Variants in PTPN21 observed in about 807,000 individuals in gnomAD.
The protein encoded by PTPN21 is protein tyrosine phosphatase non-receptor type 21.
A neutral mutation model predicts 131.8 loss-of-function variants in PTPN21; 77 were observed. The ratio of observed to expected loss-of-function variants is 0.58; its 90% CI spans 0.49 to 0.71. The LOEUF is 0.71. Among genes scored for constraint, PTPN21 ranks in the 30% least tolerant of loss-of-function variants. PTPN21 has a pLI of 0.00. For synonymous variants in PTPN21, 715 were observed against 621.3 expected (o/e 1.15, Z -2.24); for missense variants, 1,552 against 1,527.1 (o/e 1.02, Z -0.27).
At position 88,479,496 on chromosome 14, in the gene PTPN21, G is replaced by T. The variant is rs775546063; in HGVS notation, c.1935C>A (p.His645Gln). ...CCTTGAGCCGCAGGCCCTCCAGGCC[G>T]TGGCTGAGCCCGGCCACCTCGATGC... ...RNSIEVAGLSHGLEGLRLKER... is the reference protein window; with the variant it reads ...RNSIEVAGLSQGLEGLRLKER... The change falls in exon 13 of 19, where the codon CAC (histidine) becomes CAA (glutamine). Residue 645 changes from histidine (H) to glutamine (Q), a missense_variant. Physicochemically the swap from His to Gln is conservative, Grantham distance 24 (BLOSUM62 0). Coordinates refer to ENST00000556564, the MANE Select transcript of PTPN21 (RefSeq NM_007039.4). The T allele has an allele frequency of 1.9e-6, 3 of 1,601,386 alleles. No homozygotes were observed. The highest frequency in any genetic ancestry group is 2.2e-5 in the East Asian group (1 of 44,800).
chr14:88,494,581 G>A (rs1359120429), intron 10 of PTPN21, among the ~76,000 whole-genome samples: 1 of 152,086 alleles, frequency 6.6e-6, no homozygotes, highest in Non-Finnish European at 1.5e-5. Flanking sequence ...AGGATCACCT[G>A]AGCCCAGGGA....
chr14:88,505,224 C>T (rs76393488), intron 5 of PTPN21, 80 bp downstream of exon 5: 63 of 1,162,952 alleles, frequency 5.4e-5, no homozygotes, highest in Admixed American at 2.1e-4. Context: ...GTCTATCATA[C>T]GGATTTCATT....
At position 88,550,580 on chromosome 14, in the gene PTPN21, A is replaced by C. The variant is rs2078851347; in HGVS notation, c.-163T>G. 1.5e-6 allele frequency: 1 copy of C among 679,270 alleles called. No homozygotes were observed. The highest frequency in any genetic ancestry group is 2.4e-6 in the Non-Finnish European group (1 of 411,968). The allele number at this position is 679,270 out of a possible 1,614,324, so 42.1% of individuals were successfully genotyped here. A position where few individuals can be genotyped will look rare whatever the true frequency, so the allele number is the denominator to read the frequency against. ...CGCTGCCGCCATTAAAAAGCAACGG[A>C]GTCTCCAATGGCCCGAGGAAGGGAG... On this transcript the variant is annotated 5_prime_UTR_variant, in exon 2 of 19. Coordinates refer to ENST00000556564, the MANE Select transcript of PTPN21 (RefSeq NM_007039.4).
intron 10 of PTPN21, among the ~76,000 whole-genome samples, chr14:88,487,710 GAC>G (rs1307153689): frequency 6.6e-6 from 1 of 151,832 alleles, no homozygotes; most frequent in Non-Finnish European, 1.5e-5. Context: ...TTATTTTGGT[GAC>G]ACAAGTCTGC....
Position 88,485,100 on chromosome 14 carries a change from T to A in PTPN21, c.1054A>T (p.Thr352Ser), listed in dbSNP as rs1411577138. The A allele has an allele frequency of 6.2e-7, 1 of 1,608,038 alleles. No homozygotes were observed. The highest frequency in any genetic ancestry group is 2.2e-5 in the East Asian group (1 of 44,826). Reference protein sequence around the residue: ...PPQLHYNGHYTEPYASSQDNL... With the variant: ...PPQLHYNGHYSEPYASSQDNL... ...CCTTGGGAAGAAGCATATGGTTCTGTATAATGTCCATTATAGTGCAACTGC... is the reference window on the plus strand; with the variant it reads ...CCTTGGGAAGAAGCATATGGTTCTGAATAATGTCCATTATAGTGCAACTGC... Residue 352 changes from threonine to serine, a missense_variant, in exon 12 of 19, where the codon ACA becomes TCA. Around this residue, in one of 4 missense-constraint regions of PTPN21, gnomAD observed 1,016 missense variants for 883.5 expected, o/e 1.15. Transcript: ENST00000556564.
chr14:88,525,673 A>G (rs924990341), intron 2 of PTPN21, among the ~76,000 whole-genome samples: 8 of 152,234 alleles, frequency 5.3e-5, no homozygotes, highest in South Asian at 2.1e-4. Context: ...TAGAATCACC[A>G]TATGATCCAG....
At chr14:88,468,813 GTCC>G in intron 18 of PTPN21, 100 bp downstream of exon 18, 1 of 1,456,738 alleles carries the variant, frequency 6.9e-7, no homozygotes. Context: ...GGCCACCACA[GTCC>G]AAGGAAATGT....
Position 88,544,531 on chromosome 14 carries a change from T to G in PTPN21, c.180+5707A>C, listed in dbSNP as rs527463022. ...ATGTTTTACATTTAACACCGAATCC[T>G]CATAACCACTATCAAGTAGGTACTA... On this transcript the variant is annotated intron_variant, in intron 2 of 18. Transcript: ENST00000556564. Among the ~76,000 whole-genome samples the G allele has an allele frequency of 4.6e-4, 70 of 152,280 alleles. 1 individual carries two copies. Among genetic ancestry groups the G allele is most frequent in the African/African-American group, 1.5e-3 (64 of 41,548 alleles).
chr14:88,472,208 G>T, intron 15 of PTPN21, 36 bp downstream of exon 15: 1 of 1,133,222 alleles, frequency 8.8e-7, no homozygotes, highest in Non-Finnish European at 1.3e-6. Context: ...AACTGAAACT[G>T]CATGTGCTGT....
In PTPN21 at chr14:88,500,822, A is replaced by C; in HGVS notation, c.725T>G (p.Phe242Cys). The C allele has an allele frequency of 1.9e-6, 3 of 1,614,016 alleles. No individual in the cohort carries two copies. In the Middle Eastern group the frequency reaches 4.9e-4, roughly 266 times the overall value. ...ISIGACLEGI[F>C]VKHKNGRHPV... ...ATGCCTTCCATTCTTGTGTTTCACA[A>C]AGATACCTTCAAGACACGCTCCAAT... The change falls in exon 8 of 19, where the codon TTT becomes TGT. Residue 242 changes from phenylalanine (F) to cysteine (C), a missense_variant. Phe to Cys is a radical substitution (Grantham distance 205). This residue lies in a region of PTPN21 where 1,016 missense variants were observed against 883.5 expected (regional missense o/e 1.15). Coordinates refer to ENST00000556564, the MANE Select transcript of PTPN21 (RefSeq NM_007039.4).
chr14:88,516,261 T>C (rs2078267812), intron 3 of PTPN21, among the ~76,000 whole-genome samples: 9 of 152,062 alleles, frequency 5.9e-5, no homozygotes, highest in Admixed American at 5.9e-4. Flanking sequence ...AGGAGGTACC[T>C]TCTGAACCAC....
At chr14:88,532,962 A>G (rs1203476283) in intron 2 of PTPN21, among the ~76,000 whole-genome samples, 1 of 152,214 alleles carries the variant, frequency 6.6e-6, no homozygotes, top group African/African-American at 2.4e-5. Context: ...AGAAATTTAT[A>G]AATTGTTTCC....
chr14:88,520,410 TAA>T (rs67513989), intron 2 of PTPN21, among the ~76,000 whole-genome samples: 39 of 146,920 alleles, frequency 2.7e-4, no homozygotes, highest in East Asian at 1.2e-3. Context: ...GACTCTGCCT[TAA>T]AAAAAAAAAA....
chr14:88,467,861 C>A lies in PTPN21; in HGVS notation c.*276G>T. The A allele has an allele frequency of 2.5e-6, 1 of 400,202 alleles. No individual in the cohort carries two copies. Among genetic ancestry groups the A allele is most frequent in the Non-Finnish European group, 4.5e-6 (1 of 224,166 alleles). The allele number at this position is 400,202 out of a possible 1,614,324, so 24.8% of individuals were successfully genotyped here. On this transcript the variant is annotated 3_prime_UTR_variant, in exon 19 of 19. Coordinates refer to ENST00000556564, the MANE Select transcript of PTPN21 (RefSeq NM_007039.4). ...AGAATTGTCTAGAAAATACAATCTC[C>A]AAAATGTGTGCAAGTACTGCAAACC...
In PTPN21 at chr14:88,527,762, T is replaced by C. The variant is rs555223328; in HGVS notation, c.181-10501A>G. On this transcript the variant is annotated intron_variant, in intron 2 of 18. Transcript: ENST00000556564. Reference sequence around the variant, plus strand: ...GTCTAGAAGGATTTTTCTGATGTTATCATTTAGAATTTTAATAGTTTCAGG... The same window carrying C: ...GTCTAGAAGGATTTTTCTGATGTTACCATTTAGAATTTTAATAGTTTCAGG... Among the ~76,000 whole-genome samples the C allele has an allele frequency of 4.6e-5, 7 of 152,330 alleles. No individual in the cohort carries two copies. The South Asian group carries it at 1.4e-3, about 32-fold the overall frequency.
rs2077598096 is a variant in PTPN21 at position 88,479,260 on chromosome 14, C to T, written c.2171G>A (p.Gly724Glu). Residue 724 changes from glycine to glutamate, a missense_variant, in exon 13 of 19, where the codon GGG becomes GAG. Gly to Glu is a moderately conservative substitution (Grantham distance 98). Around this residue, in one of 4 missense-constraint regions of PTPN21, gnomAD observed 1,016 missense variants for 883.5 expected, o/e 1.15. Coordinates refer to ENST00000556564, the MANE Select transcript of PTPN21 (RefSeq NM_007039.4). The part of the protein sequence containing the change: ...EEDEDFEEES[G>E]ARAPPARARE... ...CGCACGTGCAGGAGGCGCCCGGGCC[C>T]CGCTCTCCTCCTCGAAGTCCTCGTC... 1 of 1,612,384 alleles carries T rather than the reference C, an allele frequency of 6.2e-7. No individual in the cohort carries two copies. Among genetic ancestry groups the T allele is most frequent in the Non-Finnish European group, 8.5e-7 (1 of 1,179,200 alleles).
chr14:88,519,532 G>C (rs1474460371), intron 2 of PTPN21, among the ~76,000 whole-genome samples: 2 of 152,072 alleles, frequency 1.3e-5, no homozygotes, highest in African/African-American at 2.4e-5. Flanking sequence ...AGAAATAATA[G>C]AACATTTCTT....
chr14:88,539,901 T>C (rs1365137748), intron 2 of PTPN21, among the ~76,000 whole-genome samples: 1 of 152,252 alleles, frequency 6.6e-6, no homozygotes, highest in Non-Finnish European at 1.5e-5. Context: ...AAGCATAAAT[T>C]TGACTTCAAA....
In PTPN21 at chr14:88,468,029, C is replaced by T. The variant is rs2077391727; in HGVS notation, c.*108G>A. The stretch of plus-strand genomic sequence containing the variant: ...AGACTGCGCCACTTACGTCCCAGTG[C>T]CACGCTGCGTGGATCAAGTGTCAAC... On this transcript the variant is annotated 3_prime_UTR_variant, in exon 19 of 19. Transcript: ENST00000556564. 2.9e-6 allele frequency: 4 copies of T among 1,378,254 alleles called. No homozygotes were observed. Among genetic ancestry groups the T allele is most frequent in the Non-Finnish European group, 4.1e-6 (4 of 982,090 alleles). The allele number at this position is 1,378,254 out of a possible 1,614,324, so 85.4% of individuals were successfully genotyped here.
Sources: gnomAD v4.1 joint callset for allele counts (sites outside exome capture counted in the v4.1 genomes callset) on GRCh38, gnomAD v4.1.1 for gene constraint, gnomAD v4.1.1 regional missense constraint, MANE v1.5 for transcripts, NCBI Gene and HGNC (gene_info 2026-07-23, HGNC 2026-07-21) for gene names.